Variants in SPINK6 observed in about 807,000 individuals in gnomAD.
SPINK6 encodes the protein serine peptidase inhibitor Kazal type 6.
Under a neutral mutation model 11.7 loss-of-function variants are expected in SPINK6, and 13 were observed. The observed-to-expected ratio is 1.11, with a 90% CI of 0.72 to 1.76. The LOEUF (loss-of-function observed/expected upper bound fraction) is 1.76. Ranked by LOEUF, SPINK6 falls within the 40% of genes most tolerant of loss-of-function variation. The probability of loss-of-function intolerance (pLI) is 0.00; values close to 1 mark genes in which losing one functional copy is unlikely to be tolerated. For missense variants in SPINK6, 98 were observed against 93.7 expected (o/e 1.05, Z -0.19); for synonymous variants, 21 against 31.9 (o/e 0.66, Z 1.15).
chr5:148,214,295 T>G (rs1359079846), intron 3 of SPINK6, among the ~76,000 whole-genome samples: 1 of 152,208 alleles, frequency 6.6e-6, no homozygotes, highest in Non-Finnish European at 1.5e-5. Flanking sequence ...TTCACACATC[T>G]TATACATTAT....
chr5:148,205,609 G>T (rs1755487123), intron 1 of SPINK6, among the ~76,000 whole-genome samples: 1 of 152,150 alleles, frequency 6.6e-6, no homozygotes, highest in Non-Finnish European at 1.5e-5. Flanking sequence ...ACTGCCTGTG[G>T]CAAAGGCTTT....
chr5:148,212,611 T>A (rs1184117590), intron 2 of SPINK6, among the ~76,000 whole-genome samples: 1 of 106,880 alleles, frequency 9.4e-6, no homozygotes. Context: ...ATATAATATA[T>A]ATTTATATTA....
At position 148,210,007 on chromosome 5, in the gene SPINK6, C is replaced by CATACACACGTACGTGTGT. The variant is rs1554112271; in HGVS notation, c.82-3901_82-3900insACACACGTACGTGTGTAT. On this transcript the variant is annotated intron_variant, in intron 2 of 3. Transcript: ENST00000325630. ...ATGTATACATATACACGTATGTATA[C>CATACACACGTACGTGTGT]ATGTATGTACGCATGTACGCATGCA... is the stretch of plus-strand genomic sequence containing the variant. Among the ~76,000 whole-genome samples the CATACACACGTACGTGTGT allele has an allele frequency of 5.3e-3, 563 of 105,688 alleles. 80 individuals carry two copies. The highest frequency in any genetic ancestry group is 0.015 in the South Asian group (51 of 3,326). 69.3% of individuals were successfully genotyped at this position (105,688 alleles called of 152,430 possible). A position where few individuals can be genotyped will look rare whatever the true frequency, so the allele number is the denominator to read the frequency against.
chr5:148,209,019 T>G lies in SPINK6; in HGVS notation c.81+2961T>G, dbSNP rs540487472. On this transcript the variant is annotated intron_variant, in intron 2 of 3. Transcript: ENST00000325630. The stretch of plus-strand genomic sequence containing the variant: ...CAACCATTTTCTGTTACAATACTTT[T>G]TGAAATACTTAAGTTTATTTTTGCT... Among the ~76,000 whole-genome samples, 5 of 152,342 alleles carry G rather than the reference T, an allele frequency of 3.3e-5. No homozygotes were observed. The East Asian group carries it at 9.6e-4, about 29-fold the overall frequency.
At chr5:148,209,979 T>C (rs201836199) in intron 2 of SPINK6, among the ~76,000 whole-genome samples, 6 of 145,608 alleles carry the variant, frequency 4.1e-5, no homozygotes, top group African/African-American at 1.7e-4. Context: ...TACGTACGTA[T>C]GTATGTATAC....
At chr5:148,206,304 A>T (rs967506836) in intron 2 of SPINK6, among the ~76,000 whole-genome samples, 6 of 152,206 alleles carry the variant, frequency 3.9e-5, no homozygotes, top group African/African-American at 1.4e-4. Flanking sequence ...TATCTGGGAT[A>T]AAATTCATGC....
chr5:148,205,161 G>A (rs895225769), intron 1 of SPINK6, among the ~76,000 whole-genome samples: 1 of 151,960 alleles, frequency 6.6e-6, no homozygotes, highest in African/African-American at 2.4e-5. Context: ...AGGAATTTCC[G>A]GTTGTTATCC....
At position 148,203,271 on chromosome 5, in the gene SPINK6, T is replaced by G. The variant is rs527917327; in HGVS notation, c.58+117T>G. On this transcript the variant is annotated intron_variant, in intron 1 of 3. Coordinates refer to ENST00000325630, the MANE Select transcript of SPINK6 (RefSeq NM_205841.4). ...GATGTAAAAGACCAATTCTGAGAGATTATCATAATGATGATAATGATTGTG... is the reference window on the plus strand; with the variant it reads ...GATGTAAAAGACCAATTCTGAGAGAGTATCATAATGATGATAATGATTGTG... The G allele has an allele frequency of 2.0e-5, 14 of 705,200 alleles. No homozygotes were observed. The East Asian group carries it at 3.4e-4, about 17-fold the overall frequency. 43.7% of individuals were successfully genotyped at this position (705,200 alleles called of 1,614,324 possible).
chr5:148,204,928 A>G (rs1047983644), intron 1 of SPINK6, among the ~76,000 whole-genome samples: 1 of 152,114 alleles, frequency 6.6e-6, no homozygotes, highest in Non-Finnish European at 1.5e-5. Flanking sequence ...AACCACTTAG[A>G]GTCTTTAAAA....
intron 1 of SPINK6, among the ~76,000 whole-genome samples, chr5:148,204,266 AG>A (rs1755470580): frequency 6.6e-6 from 1 of 152,074 alleles, no homozygotes; most frequent in Non-Finnish European, 1.5e-5. Flanking sequence ...GATATTATGG[AG>A]TAAGCTTGAC....
rs1755614563 is a variant in SPINK6, at chr5:148,212,538, A to ATT, written c.82-1372_82-1371insTT. ...TATATATAAAGTATATATTTTATAT[A>ATT]AGTATATATTTATATATTTATATAA... On this transcript the variant is annotated intron_variant, in intron 2 of 3. Transcript: ENST00000325630. Among the ~76,000 whole-genome samples the ATT allele has an allele frequency of 3.1e-4, 20 of 63,506 alleles. No homozygotes were observed. The East Asian group carries it at 8.8e-3, about 28-fold the overall frequency. 41.7% of individuals were successfully genotyped at this position (63,506 alleles called of 152,430 possible). A position where few individuals can be genotyped will look rare whatever the true frequency, so the allele number is the denominator to read the frequency against.
chr5:148,213,836 G>T, intron 2 of SPINK6, 74 bp from the exon 3 acceptor site: 2 of 770,382 alleles, frequency 2.6e-6, no homozygotes, highest in Non-Finnish European at 4.6e-6. Flanking sequence ...AAAGTTTGCT[G>T]TCTAAAGCTT....
Position 148,203,044 on chromosome 5 carries a change from A to G in SPINK6, c.-53A>G. The G allele has an allele frequency of 6.7e-7, 1 of 1,490,508 alleles. No homozygotes were observed. Among genetic ancestry groups the G allele is most frequent in the Non-Finnish European group, 9.1e-7 (1 of 1,093,396 alleles). 92.3% of individuals were successfully genotyped at this position (1,490,508 alleles called of 1,614,324 possible). A position where few individuals can be genotyped will look rare whatever the true frequency, so the allele number is the denominator to read the frequency against. The stretch of plus-strand genomic sequence containing the variant: ...AGGGCTTTCTGGGAATTGTCTTGAC[A>G]GAGAACCTCAGCTGGACAAAGCAGC... On this transcript the variant is annotated 5_prime_UTR_variant, in exon 1 of 4. Transcript: ENST00000325630.
At chr5:148,212,490 A>ATATATAAAGTATATATTTTT (rs1561733549) in intron 2 of SPINK6, among the ~76,000 whole-genome samples, 7 of 130,796 alleles carry the variant, frequency 5.4e-5, no homozygotes, top group Non-Finnish European at 1.1e-4. Flanking sequence ...TTATATATAT[A>ATATATAAAGTATATATTTTT]TATATATAAA....
At chr5:148,211,616 C>G (rs768300518) in intron 2 of SPINK6, among the ~76,000 whole-genome samples, 1 of 152,092 alleles carries the variant, frequency 6.6e-6, no homozygotes, top group Non-Finnish European at 1.5e-5. Context: ...GTGCAGGCAT[C>G]GAGTCCGTTG....
chr5:148,209,416 T>C (rs1440290808), intron 2 of SPINK6, among the ~76,000 whole-genome samples: 2 of 152,168 alleles, frequency 1.3e-5, no homozygotes, highest in Admixed American at 6.5e-5. Context: ...AGCAGTACAA[T>C]TTCTTAAGCA....
intron 2 of SPINK6, among the ~76,000 whole-genome samples, chr5:148,208,147 T>C (rs1173372866): frequency 6.6e-6 from 1 of 152,204 alleles, no homozygotes; most frequent in Non-Finnish European, 1.5e-5. Flanking sequence ...GTTTCCCTTC[T>C]CATTGCCTTT....
intron 1 of SPINK6, 27 bp downstream of exon 1, chr5:148,203,181 C>T: frequency 6.4e-7 from 1 of 1,564,306 alleles, no homozygotes; most frequent in Non-Finnish European, 8.8e-7. Flanking sequence ...AATTAAGATC[C>T]CATATTTATA....
At chr5:148,205,666 A>G (rs1755487598) in intron 1 of SPINK6, among the ~76,000 whole-genome samples, 1 of 152,178 alleles carries the variant, frequency 6.6e-6, no homozygotes, top group Non-Finnish European at 1.5e-5. Flanking sequence ...AAGGTAGAGG[A>G]TACTTTCCAA....
Sources: gnomAD v4.1 joint callset for allele counts (sites outside exome capture counted in the v4.1 genomes callset) on GRCh38, gnomAD v4.1.1 for gene constraint, MANE v1.5 for transcripts, NCBI Gene and HGNC (gene_info 2026-07-23, HGNC 2026-07-21) for gene names.